The following L3MBTL4 variants were observed in gnomAD, a reference collection of about 807,000 sequenced individuals.
L3MBTL4 encodes the protein L3MBTL histone methyl-lysine binding protein 4.
Under a neutral mutation model 84.5 loss-of-function variants are expected in L3MBTL4, and 70 were observed. The observed-to-expected ratio is 0.83, with a 90% CI of 0.68 to 1.01. The LOEUF (loss-of-function observed/expected upper bound fraction) is 1.01. L3MBTL4 is among the 50% of genes least tolerant of loss of function. The pLI, the probability that L3MBTL4 is intolerant of heterozygous loss-of-function variation, is 0.00. For synonymous variants in L3MBTL4, 274 were observed against 259.8 expected, an observed-to-expected ratio of 1.05 and a Z score of -0.52; for missense variants, 715 against 754.8, an observed-to-expected ratio of 0.95 and a Z score of 0.62.
chr18:5,963,098 G>A (rs189871437), intron 17 of L3MBTL4, among the ~76,000 whole-genome samples: 7 of 152,276 alleles, frequency 4.6e-5, no homozygotes, highest in East Asian at 3.9e-4. Context: ...ACTAGCTAAC[G>A]ACCCATGTTT....
At position 5,969,555 on chromosome 18, in the gene L3MBTL4, C is replaced by T. The variant is rs375581509; in HGVS notation, c.1452G>A (p.Ser484=). 24 of 1,601,092 alleles carry T rather than the reference C, an allele frequency of 1.5e-5. No homozygotes were observed. The highest frequency in any genetic ancestry group is 5.1e-5 in the Admixed American group (3 of 59,282). The change falls in exon 17 of 19, where the codon TCG becomes TCA. Residue 484 remains serine (S), a synonymous_variant. Coordinates refer to ENST00000317931, the MANE Select transcript of L3MBTL4 (RefSeq NM_001330559.2). The part of the protein sequence containing the change: ...IDLDNLFREY[S]VEQAQQVLHQ... ...GAAGCACCTGCTGCGCCTGCTCCACCGAGTATTCTGTAAGAGAGGTGGGGT... is the reference window on the plus strand; with the variant it reads ...GAAGCACCTGCTGCGCCTGCTCCACTGAGTATTCTGTAAGAGAGGTGGGGT...
chr18:6,041,355 C>T (rs1424013582), intron 16 of L3MBTL4, among the ~76,000 whole-genome samples: 2 of 152,216 alleles, frequency 1.3e-5, no homozygotes, highest in African/African-American at 2.4e-5. Context: ...TTGCTTCCAA[C>T]AGGTGAGCAC....
chr18:6,099,109 C>T (rs1328805630), intron 14 of L3MBTL4, among the ~76,000 whole-genome samples: 2 of 152,156 alleles, frequency 1.3e-5, no homozygotes, highest in Non-Finnish European at 2.9e-5. Flanking sequence ...GGAAGCTGCA[C>T]GCAGCATGAC....
chr18:6,134,750 A>G (rs2059981048), intron 14 of L3MBTL4, among the ~76,000 whole-genome samples: 1 of 152,126 alleles, frequency 6.6e-6, no homozygotes, highest in South Asian at 2.1e-4. Context: ...TTTGCAGGGT[A>G]CAGCCTCCCT....
At chr18:6,019,445 T>G (rs985253053) in intron 16 of L3MBTL4, among the ~76,000 whole-genome samples, 1 of 152,162 alleles carries the variant, frequency 6.6e-6, no homozygotes, top group Non-Finnish European at 1.5e-5. Context: ...CCAGCTGAAG[T>G]TGTAATTTTA....
chr18:6,349,085 C>T (rs1221306052), intron 1 of L3MBTL4, among the ~76,000 whole-genome samples: 1 of 152,186 alleles, frequency 6.6e-6, no homozygotes, highest in Non-Finnish European at 1.5e-5. Flanking sequence ...TCGTTAACTA[C>T]TACAGTGCAG....
intron 13 of L3MBTL4, among the ~76,000 whole-genome samples, chr18:6,170,237 T>C (rs2043900083): frequency 6.6e-6 from 1 of 152,196 alleles, no homozygotes; most frequent in African/African-American, 2.4e-5. Context: ...AGATTTATCC[T>C]AGGCTCATCA....
rs2055231095 is a variant in L3MBTL4, at chr18:6,021,130, T to A, written c.1445-51568A>T. Among the ~76,000 whole-genome samples, 2 of 152,102 alleles carry A rather than the reference T, an allele frequency of 1.3e-5. 1 individual carries two copies. Among genetic ancestry groups the A allele is most frequent in the African/African-American group, 4.8e-5 (2 of 41,418 alleles). On this transcript the variant is annotated intron_variant, in intron 16 of 18. Transcript: ENST00000317931. ...CACCGGGCCCAACGCTTTTCCACGG[T>A]CAAGTAAGTGAAGCCCTGGACACAG...
intron 10 of L3MBTL4, 45 bp from the exon 11 acceptor site, chr18:6,215,880 T>C (rs1467321526): frequency 7.3e-6 from 8 of 1,096,402 alleles, no homozygotes; most frequent in East Asian, 2.6e-5. Context: ...CTCATAGATA[T>C]TCTGATTCCC....
At chr18:6,140,183 C>T (rs1225141086) in intron 13 of L3MBTL4, among the ~76,000 whole-genome samples, 2 of 152,182 alleles carry the variant, frequency 1.3e-5, no homozygotes, top group Non-Finnish European at 2.9e-5. Context: ...ATGTTTTCAA[C>T]ATCAGTGGAG....
At chr18:6,219,807 G>C (rs1034521692) in intron 10 of L3MBTL4, among the ~76,000 whole-genome samples, 2 of 152,048 alleles carry the variant, frequency 1.3e-5, no homozygotes, top group African/African-American at 2.4e-5. Flanking sequence ...TTTAGAAGAC[G>C]AGGAGAACTA....
chr18:6,268,571 AT>A (rs1006637397), intron 4 of L3MBTL4, among the ~76,000 whole-genome samples: 6 of 152,002 alleles, frequency 3.9e-5, no homozygotes, highest in African/African-American at 1.5e-4. Flanking sequence ...CACTAAATTT[AT>A]TTTTTCTGCT....
At chr18:6,258,378 T>A in intron 5 of L3MBTL4, among the ~76,000 whole-genome samples, 1 of 152,084 alleles carries the variant, frequency 6.6e-6, no homozygotes, top group East Asian at 1.9e-4. Flanking sequence ...GTAGAGAAGG[T>A]AGGCAGTGAA....
intron 4 of L3MBTL4, among the ~76,000 whole-genome samples, chr18:6,287,979 G>C (rs1471309052): frequency 6.6e-6 from 1 of 152,176 alleles, no homozygotes; most frequent in African/African-American, 2.4e-5. Context: ...GAAGGTCAAG[G>C]CTACAGTGAG....
rs1338376956 is a variant in L3MBTL4 at position 6,243,214 on chromosome 18, G to A, written c.460+80C>T. 7.1e-6 allele frequency: 9 copies of A among 1,275,640 alleles called. No individual in the cohort carries two copies. In the African/African-American group the frequency reaches 9.2e-5, roughly 13 times the overall value. The allele number at this position is 1,275,640 out of a possible 1,614,324, so 79.0% of individuals were successfully genotyped here. On this transcript the variant is annotated intron_variant, in intron 7 of 18. Transcript: ENST00000317931. ...CAATCCACACCAGGATCTCTTCTTC[G>A]AATTTCATAAAGTATTGTTAAAATA...
At chr18:6,036,540 C>T (rs890508917) in intron 16 of L3MBTL4, among the ~76,000 whole-genome samples, 3 of 152,070 alleles carry the variant, frequency 2.0e-5, no homozygotes, top group African/African-American at 7.2e-5. Context: ...CTACATCTTC[C>T]CCTACTTTGA....
chr18:6,382,137 G>C (rs1164712270), intron 1 of L3MBTL4, among the ~76,000 whole-genome samples: 1 of 151,958 alleles, frequency 6.6e-6, no homozygotes, highest in African/African-American at 2.4e-5. Context: ...ATTGATACTT[G>C]TGTATGCTTC....
intron 10 of L3MBTL4, among the ~76,000 whole-genome samples, chr18:6,233,953 TG>T (rs1197426268): frequency 2.0e-5 from 3 of 152,194 alleles, no homozygotes; most frequent in African/African-American, 7.2e-5. Flanking sequence ...AGCATGGTAC[TG>T]GTACCAAAAC....
chr18:6,234,311 C>A (rs1284032045), intron 10 of L3MBTL4, among the ~76,000 whole-genome samples: 2 of 152,110 alleles, frequency 1.3e-5, no homozygotes, highest in Admixed American at 6.5e-5. Context: ...CCAAAATTGA[C>A]AAATGGGATT....
Sources: allele counts gnomAD v4.1 joint callset (sites outside exome capture counted in the v4.1 genomes callset), GRCh38; gene constraint gnomAD v4.1.1; transcripts MANE v1.5; gene names NCBI Gene and HGNC (gene_info 2026-07-23, HGNC 2026-07-21).